The following ELAPOR2 variants were observed in gnomAD, a reference collection of about 807,000 sequenced individuals.
ELAPOR2 encodes endosome/lysosome-associated apoptosis and autophagy regulator family member 2.
Under a neutral mutation model 120.7 loss-of-function variants are expected in ELAPOR2, and 89 were observed. That is an observed-to-expected ratio of 0.74 (90% CI 0.62 to 0.88). ELAPOR2 has a LOEUF of 0.88. ELAPOR2 is among the 40% of genes least tolerant of loss of function. The pLI is 0.00. For missense variants in ELAPOR2, 1,134 were observed against 1,251.6 expected (o/e 0.91, Z 1.42); for synonymous variants, 444 against 444.9 (o/e 1.00, Z 0.03).
intron 8 of ELAPOR2, among the ~76,000 whole-genome samples, chr7:86,932,701 A>G (rs1034898108): frequency 6.6e-6 from 1 of 151,932 alleles, no homozygotes; most frequent in African/African-American, 2.4e-5. Flanking sequence ...ATTGAAAACT[A>G]TTCTTTGTAT....
At chr7:87,003,937 C>T (rs1470629875) in intron 1 of ELAPOR2, among the ~76,000 whole-genome samples, 3 of 152,140 alleles carry the variant, frequency 2.0e-5, no homozygotes, top group Admixed American at 6.6e-5. Context: ...ATAAGCACTT[C>T]GCTTAGCTGC....
At chr7:86,956,228 T>A (rs1447523149) in intron 2 of ELAPOR2, among the ~76,000 whole-genome samples, 1 of 152,302 alleles carries the variant, frequency 6.6e-6, no homozygotes, top group Admixed American at 6.5e-5. Context: ...GACACATGGA[T>A]ATACTTTGTA....
At chr7:87,011,141 G>A (rs979858011) in intron 1 of ELAPOR2, among the ~76,000 whole-genome samples, 3 of 151,112 alleles carry the variant, frequency 2.0e-5, no homozygotes, top group African/African-American at 7.3e-5. Flanking sequence ...GGTGGCACGT[G>A]CCTGTAGTCC....
At chr7:86,905,900 T>G (rs755604753) in intron 18 of ELAPOR2, among the ~76,000 whole-genome samples, 11 of 152,296 alleles carry the variant, frequency 7.2e-5, no homozygotes, top group Non-Finnish European at 1.0e-4. Context: ...AGTTTTCCTC[T>G]CCAAATAGGA....
chr7:86,922,645 A>C (rs957215488), intron 10 of ELAPOR2, among the ~76,000 whole-genome samples: 1 of 151,950 alleles, frequency 6.6e-6, no homozygotes, highest in African/African-American at 2.4e-5. Context: ...TGACTGAAAT[A>C]ATATTTTATT....
intron 8 of ELAPOR2, among the ~76,000 whole-genome samples, chr7:86,934,892 T>G (rs771449843): frequency 1.9e-4 from 29 of 151,966 alleles, no homozygotes; most frequent in Non-Finnish European, 4.0e-4. Context: ...AACCCACCTT[T>G]AACACTTTCC....
At chr7:86,885,803 T>C (rs1456051568) in intron 21 of ELAPOR2, among the ~76,000 whole-genome samples, 2 of 152,164 alleles carry the variant, frequency 1.3e-5, no homozygotes, top group East Asian at 3.9e-4. Context: ...CCATTCAAGA[T>C]AGTGTTGTTG....
intron 1 of ELAPOR2, among the ~76,000 whole-genome samples, chr7:86,997,740 G>T (rs1314114532): frequency 6.6e-6 from 1 of 152,040 alleles, no homozygotes; most frequent in East Asian, 1.9e-4. Flanking sequence ...GGGTATCTTT[G>T]GTTCTGTTCT....
intron 1 of ELAPOR2, among the ~76,000 whole-genome samples, chr7:87,001,510 G>A (rs1793314322): frequency 6.6e-6 from 1 of 152,156 alleles, no homozygotes; most frequent in South Asian, 2.1e-4. Flanking sequence ...GTGGCATAGT[G>A]AGGGAGTCAG....
intron 2 of ELAPOR2, among the ~76,000 whole-genome samples, chr7:86,953,093 C>CAAA (rs11351621): frequency 2.0e-5 from 2 of 99,634 alleles, no homozygotes; most frequent in Non-Finnish European, 4.1e-5. Flanking sequence ...AAGCCTCTGT[C>CAAA]AAAAAAAAAA....
At chr7:86,971,972 A>C (rs1792120329) in intron 1 of ELAPOR2, among the ~76,000 whole-genome samples, 1 of 152,210 alleles carries the variant, frequency 6.6e-6, no homozygotes, top group African/African-American at 2.4e-5. Flanking sequence ...TGAGGTGGTC[A>C]AAGTTTAAAA....
At chr7:86,899,926 T>C (rs1475532584) in intron 18 of ELAPOR2, among the ~76,000 whole-genome samples, 1 of 151,848 alleles carries the variant, frequency 6.6e-6, no homozygotes, top group Non-Finnish European at 1.5e-5. Flanking sequence ...GTAAGTACAA[T>C]AGATGAAAAC....
intron 1 of ELAPOR2, among the ~76,000 whole-genome samples, chr7:87,015,907 T>A (rs1793852437): frequency 6.6e-6 from 1 of 152,154 alleles, no homozygotes; most frequent in Non-Finnish European, 1.5e-5. Flanking sequence ...AAGTAGGTTG[T>A]CAGTTAACAG....
chr7:86,972,616 TA>T lies in ELAPOR2; in HGVS notation c.190-7593del, dbSNP rs1445639140. Reference sequence around the variant, plus strand: ...AAAAAGTTTTTTGTTTTTTTTTTTTTAAATGGAACTATGTAAACAGCTAAGT... The same window carrying T: ...AAAAAGTTTTTTGTTTTTTTTTTTTTAATGGAACTATGTAAACAGCTAAGT... On this transcript the variant is annotated intron_variant, in intron 1 of 21. Transcript: ENST00000450689. Among the ~76,000 whole-genome samples the T allele has an allele frequency of 2.0e-5, 3 of 151,166 alleles. No homozygotes were observed. In the East Asian group the frequency reaches 5.8e-4, roughly 29 times the overall value.
chr7:87,027,948 T>G (rs973885218), intron 1 of ELAPOR2, among the ~76,000 whole-genome samples: 1 of 152,094 alleles, frequency 6.6e-6, no homozygotes, highest in Non-Finnish European at 1.5e-5. Context: ...ATGTCTCAAA[T>G]TAAAAGACTG....
chr7:87,059,257 C>T (rs1795357142), intron 1 of ELAPOR2, 68 bp downstream of exon 1: 1 of 1,241,136 alleles, frequency 8.1e-7, no homozygotes, highest in Non-Finnish European at 1.0e-6. Context: ...AAACAGGAAC[C>T]GCTCTCAGCC....
intron 20 of ELAPOR2, among the ~76,000 whole-genome samples, chr7:86,892,362 G>C (rs565931331): frequency 1.8e-4 from 28 of 152,076 alleles, no homozygotes; most frequent in Admixed American, 1.6e-3. Flanking sequence ...TTACAATATA[G>C]GAGTTCCACA....
At chr7:86,961,158 C>T (rs1297665574) in intron 2 of ELAPOR2, among the ~76,000 whole-genome samples, 1 of 152,094 alleles carries the variant, frequency 6.6e-6, no homozygotes, top group Non-Finnish European at 1.5e-5. Context: ...TATTGATTCA[C>T]ATATTCTAAA....
chr7:86,996,432 G>A (rs1310793202), intron 1 of ELAPOR2, among the ~76,000 whole-genome samples: 2 of 152,150 alleles, frequency 1.3e-5, no homozygotes, highest in East Asian at 3.9e-4. Context: ...AAAGAGGAAT[G>A]GATATTTGAG....
Sources: gnomAD v4.1 joint callset for allele counts (sites outside exome capture counted in the v4.1 genomes callset) on GRCh38, gnomAD v4.1.1 for gene constraint, MANE v1.5 for transcripts, NCBI Gene and HGNC (gene_info 2026-07-23, HGNC 2026-07-21) for gene names.